CSMD3: variants seen among roughly 807,000 people sequenced by gnomAD.
CSMD3 encodes the protein CUB and sushi domain-containing protein 3.
Under a neutral mutation model 435.2 loss-of-function variants are expected in CSMD3, and 177 were observed. The ratio of observed to expected loss-of-function variants is 0.41; its 90% confidence interval spans 0.36 to 0.46. CSMD3 has a LOEUF of 0.46. CSMD3 is among the 20% of genes least tolerant of loss of function. The probability of loss-of-function intolerance (pLI) is 0.34; values close to 1 mark genes in which losing one functional copy is unlikely to be tolerated. For missense variants in CSMD3, 4,265 were observed against 4,504.6 expected, an observed-to-expected ratio of 0.95 and a Z score of 1.52; for synonymous variants, 1,656 against 1,520.5, an observed-to-expected ratio of 1.09 and a Z score of -2.07.
At chr8:113,136,407 A>G (rs2091420049) in intron 4 of CSMD3, among the ~76,000 whole-genome samples, 1 of 151,476 alleles carries the variant, frequency 6.6e-6, no homozygotes, top group Admixed American at 6.6e-5. Context: ...CAGTAGAACT[A>G]TACAGAACTG....
intron 4 of CSMD3, among the ~76,000 whole-genome samples, chr8:113,115,836 A>G (rs886872150): frequency 1.3e-5 from 2 of 152,154 alleles, no homozygotes; most frequent in African/African-American, 4.8e-5. Flanking sequence ...TTCTGAGGCA[A>G]TTGCTTAGGA....
chr8:112,792,451 A>G (rs2078715194), intron 13 of CSMD3, among the ~76,000 whole-genome samples: 1 of 152,164 alleles, frequency 6.6e-6, no homozygotes, highest in South Asian at 2.1e-4. Context: ...CTCATCAAGA[A>G]GGACTCATTC....
intron 1 of CSMD3, among the ~76,000 whole-genome samples, chr8:113,340,329 A>T (rs529341302): frequency 1.3e-5 from 2 of 152,258 alleles, no homozygotes; most frequent in South Asian, 4.1e-4. Context: ...TGATGTTTGT[A>T]CTATTGTTTC....
At chr8:112,738,511 TA>T (rs1363798038) in intron 13 of CSMD3, among the ~76,000 whole-genome samples, 6 of 151,754 alleles carry the variant, frequency 4.0e-5, no homozygotes, top group African/African-American at 1.4e-4. Context: ...TCAAAAGAAT[TA>T]TGTCATGCTA....
chr8:113,234,519 C>G (rs1389571166), intron 3 of CSMD3, among the ~76,000 whole-genome samples: 1 of 152,110 alleles, frequency 6.6e-6, no homozygotes, highest in Non-Finnish European at 1.5e-5. Context: ...AACATTAATT[C>G]AAGCAGAGCA....
chr8:113,222,422 A>C (rs987002625), intron 3 of CSMD3, among the ~76,000 whole-genome samples: 1 of 151,002 alleles, frequency 6.6e-6, no homozygotes, highest in South Asian at 2.1e-4. Flanking sequence ...ATAATCATGA[A>C]ATATAATGAA....
At chr8:112,507,576 A>G (rs1217799668) in intron 28 of CSMD3, among the ~76,000 whole-genome samples, 1 of 152,224 alleles carries the variant, frequency 6.6e-6, no homozygotes, top group African/African-American at 2.4e-5. Context: ...TGTCTCCTAC[A>G]CATAATCAGT....
chr8:112,646,615 A>G (rs1485813666), intron 19 of CSMD3, among the ~76,000 whole-genome samples: 2 of 152,208 alleles, frequency 1.3e-5, no homozygotes, highest in Non-Finnish European at 2.9e-5. Context: ...TAACACATAA[A>G]CACATTTAAA....
chr8:113,368,547 T>C (rs1438071881), intron 1 of CSMD3, among the ~76,000 whole-genome samples: 1 of 152,166 alleles, frequency 6.6e-6, no homozygotes, highest in Admixed American at 6.6e-5. Context: ...TGTTAATGTG[T>C]TACCTTTCCT....
rs754145697 is a variant in CSMD3 at position 112,921,652 on chromosome 8, C to A, written c.1608G>T (p.Trp536Cys). The A allele has an allele frequency of 6.2e-7, 1 of 1,612,820 alleles. No homozygotes were observed. Among genetic ancestry groups the A allele is most frequent in the Non-Finnish European group, 8.5e-7 (1 of 1,179,146 alleles). The change falls in exon 10 of 71, where the codon TGG becomes TGT. Residue 536 changes from tryptophan to cysteine, a missense_variant. Transcript: ENST00000297405. ...CQRIAEVFAA[W>C]SDHRPVCKVK... ...CTTTACACACAGGCCTGTGATCACT[C>A]CAAGCAGCAAAAACTTCAGCTATCC...
chr8:113,030,417 T>TAAAAAAAAAA (rs35890606), intron 5 of CSMD3, among the ~76,000 whole-genome samples: 9 of 24,342 alleles, frequency 3.7e-4, no homozygotes, highest in African/African-American at 1.8e-3. Context: ...TTGGTACTGG[T>TAAAAAAAAAA]AAAAAAAAAA....
At chr8:113,035,651 T>C (rs1365267298) in intron 5 of CSMD3, among the ~76,000 whole-genome samples, 1 of 151,952 alleles carries the variant, frequency 6.6e-6, no homozygotes, top group African/African-American at 2.4e-5. Context: ...TATACATCAA[T>C]ACATCTAAGA....
chr8:112,950,926 GT>G (rs1192101293), intron 8 of CSMD3, among the ~76,000 whole-genome samples: 1 of 151,778 alleles, frequency 6.6e-6, no homozygotes, highest in East Asian at 1.9e-4. Flanking sequence ...ATTAATCCCA[GT>G]TCTTATTATT....
intron 1 of CSMD3, among the ~76,000 whole-genome samples, chr8:113,412,250 A>G (rs1049979322): frequency 3.3e-5 from 5 of 152,150 alleles, no homozygotes; most frequent in Non-Finnish European, 5.9e-5. Context: ...GCAAGCAGAA[A>G]CTAAGACATT....
chr8:113,059,920 T>G (rs1402860037), intron 5 of CSMD3, among the ~76,000 whole-genome samples: 1 of 152,096 alleles, frequency 6.6e-6, no homozygotes, highest in Non-Finnish European at 1.5e-5. Flanking sequence ...TAATATGATA[T>G]GCAAATTAAT....
Position 112,301,900 on chromosome 8 carries a change from C to T in CSMD3, c.8333G>A (p.Gly2778Asp), listed in dbSNP as rs2130758762. Residue 2778 changes from glycine (G) to aspartate (D), a missense_variant, in exon 53 of 71, where the codon GGC becomes GAC. Around this residue, in one of 3 missense-constraint regions of CSMD3, gnomAD observed 3,255 missense variants for 3,380.2 expected, o/e 0.96. Transcript: ENST00000297405. ...GNKIGTQTSY[G>D]STAIFTCDLG... is the part of the protein sequence containing the mutation. Reference sequence around the variant, plus strand: ...GTCGCAGGTAAAGATAGCTGTTGAGCCATATGAAGTTTGAGTTCCAATCTT... The same window carrying T: ...GTCGCAGGTAAAGATAGCTGTTGAGTCATATGAAGTTTGAGTTCCAATCTT... 6.2e-7 allele frequency: 1 copy of T among 1,612,924 alleles called. No homozygotes were observed. Among genetic ancestry groups the T allele is most frequent in the South Asian group, 1.1e-5 (1 of 91,062 alleles).
intron 31 of CSMD3, among the ~76,000 whole-genome samples, chr8:112,485,858 G>A (rs1470133621): frequency 6.6e-6 from 1 of 151,854 alleles, no homozygotes; most frequent in African/African-American, 2.4e-5. Context: ...CCAGAAGACC[G>A]CTGGATGTCT....
intron 3 of CSMD3, among the ~76,000 whole-genome samples, chr8:113,218,693 T>C (rs192885486): frequency 1.5e-4 from 22 of 151,416 alleles, no homozygotes; most frequent in Non-Finnish European, 3.3e-4. Flanking sequence ...TTTCTCAGTC[T>C]GATAAAGGAA....
intron 5 of CSMD3, among the ~76,000 whole-genome samples, chr8:113,047,755 A>T (rs2087898256): frequency 2.0e-5 from 3 of 152,236 alleles, no homozygotes; most frequent in Non-Finnish European, 4.4e-5. Context: ...AGACAGTTGC[A>T]GAATAATGGA....
Sources: allele counts gnomAD v4.1 joint callset (sites outside exome capture counted in the v4.1 genomes callset), GRCh38; gene constraint gnomAD v4.1.1; regional missense constraint gnomAD v4.1.1; transcripts MANE v1.5; gene names NCBI Gene and HGNC (gene_info 2026-07-23, HGNC 2026-07-21).